Variants in RDH11 observed in about 807,000 individuals in gnomAD.
RDH11 encodes HCV core-binding protein HCBP12.
A neutral mutation model predicts 33.4 loss-of-function variants in RDH11; 19 were observed. The ratio of observed to expected loss-of-function variants is 0.57; its 90% confidence interval spans 0.40 to 0.83. The LOEUF is 0.83. Ranked by LOEUF, RDH11 falls within the 40% of genes least tolerant of loss-of-function variation. RDH11 has a pLI of 0.00. For synonymous variants in RDH11, 154 were observed against 155.3 expected (o/e 0.99, Z 0.06); for missense variants, 353 against 389.0 (o/e 0.91, Z 0.78).
intron 5 of RDH11, among the ~76,000 whole-genome samples, chr14:67,687,365 T>C (rs566853406): frequency 2.4e-4 from 36 of 152,204 alleles, no homozygotes; most frequent in Non-Finnish European, 5.1e-4. Flanking sequence ...ACTCTTGCTT[T>C]CTACAACCTA....
intron 5 of RDH11, among the ~76,000 whole-genome samples, chr14:67,688,093 G>C (rs1371593807): frequency 1.3e-5 from 2 of 151,932 alleles, no homozygotes; most frequent in African/African-American, 4.8e-5. Context: ...CATTCTATCA[G>C]TACCTCTAAT....
rs750321753 is a variant in RDH11 at position 67,692,597 on chromosome 14, TCAGCCAA to T, written c.194-11_194-5del. 4 of 1,556,038 alleles carry T rather than the reference TCAGCCAA, an allele frequency of 2.6e-6. No homozygotes were observed. The highest frequency in any genetic ancestry group is 3.5e-6 in the Non-Finnish European group (4 of 1,155,294). On this transcript the variant is annotated splice_polypyrimidine_tract_variant and splice_region_variant and intron_variant, in intron 2 of 6. Transcript: ENST00000381346. ...CAAGCTAAATATACTCGAGCTCCTG[TCAGCCAA>T]CATATGAAAGAGAAATGGTCAGCTC... is the stretch of plus-strand genomic sequence containing the variant.
intron 6 of RDH11, among the ~76,000 whole-genome samples, chr14:67,679,431 T>C (rs183344254): frequency 1.1e-3 from 157 of 145,402 alleles, no homozygotes; most frequent in Non-Finnish European, 2.0e-3. Flanking sequence ...GGAGGCGGAG[T>C]CTCACTCTGT....
intron 5 of RDH11, among the ~76,000 whole-genome samples, chr14:67,689,373 T>C (rs181496100): frequency 1.5e-3 from 229 of 152,274 alleles, no homozygotes; most frequent in Non-Finnish European, 2.5e-3. Flanking sequence ...AAATCCAGAG[T>C]AGACAGTGCT....
chr14:67,680,964 A>T (rs780129716), intron 6 of RDH11, among the ~76,000 whole-genome samples: 1 of 152,208 alleles, frequency 6.6e-6, no homozygotes, highest in South Asian at 2.1e-4. Context: ...ATAAACCCTT[A>T]TATTTATGGT....
At chr14:67,694,667 T>A (rs1268700206) in intron 1 of RDH11, among the ~76,000 whole-genome samples, 2 of 151,984 alleles carry the variant, frequency 1.3e-5, no homozygotes, top group East Asian at 3.9e-4. Context: ...AGAAACCATG[T>A]GTGCCTAGAG....
chr14:67,691,256 A>T lies in RDH11; in HGVS notation c.350-12T>A. On this transcript the variant is annotated splice_polypyrimidine_tract_variant and intron_variant, in intron 3 of 6. Coordinates refer to ENST00000381346, the MANE Select transcript of RDH11 (RefSeq NM_016026.4). ...GAGGTGCTTTTCCTCTGCAGGGACA[A>T]GACGATGGAGCGTGGAAGTGGCTAG... 6.3e-7 allele frequency: 1 copy of T among 1,598,392 alleles called. No homozygotes were observed. The highest frequency in any genetic ancestry group is 8.6e-7 in the Non-Finnish European group (1 of 1,166,454).
At chr14:67,684,601 T>C (rs1185110928) in intron 6 of RDH11, 1 of 153,014 alleles carries the variant, frequency 6.5e-6, no homozygotes, top group East Asian at 1.9e-4. Context: ...TTTTTTTTTT[T>C]TGAGGCGGAG....
chr14:67,678,477 T>C, intron 6 of RDH11, 54 bp from the exon 7 acceptor site: 1 of 1,197,430 alleles, frequency 8.4e-7, no homozygotes, highest in Non-Finnish European at 1.2e-6. Context: ...AAGTCTGCCA[T>C]CTGCCAGGGA....
At chr14:67,694,479 C>CAG (rs1208506640) in intron 1 of RDH11, among the ~76,000 whole-genome samples, 1 of 131,540 alleles carries the variant, frequency 7.6e-6, no homozygotes, top group Non-Finnish European at 1.6e-5. Context: ...TATATATATA[C>CAG]ACACACACAC....
chr14:67,678,087 TATG>T lies in RDH11; in HGVS notation c.*231_*233del. 2.2e-6 allele frequency: 1 copy of T among 445,476 alleles called. No individual in the cohort carries two copies. The highest frequency in any genetic ancestry group is 4.1e-6 in the Non-Finnish European group (1 of 242,666). 27.6% of individuals were successfully genotyped at this position (445,476 alleles called of 1,614,324 possible). On this transcript the variant is annotated 3_prime_UTR_variant, in exon 7 of 7. Coordinates refer to ENST00000381346, the MANE Select transcript of RDH11 (RefSeq NM_016026.4). Reference sequence around the variant, plus strand: ...TCATATGAGGGTCTTCTTATCCTATTATGATATCTCTAGTAACTCTGGCAGTAA... The same window carrying T: ...TCATATGAGGGTCTTCTTATCCTATTATATCTCTAGTAACTCTGGCAGTAA...
rs2037733535 is a variant in RDH11 at position 67,690,344 on chromosome 14, G to A, written c.532C>T (p.Leu178Phe). 1 of 1,614,170 alleles carries A rather than the reference G, an allele frequency of 6.2e-7. No individual in the cohort carries two copies. The highest frequency in any genetic ancestry group is 8.5e-7 in the Non-Finnish European group (1 of 1,180,022). ...APSRIVNVSS[L>F]AHHLGRIHFH... ...TGGATCCTTCCCAGGTGATGTGCGA[G>A]GGAAGACACATTTACTATCCTTGAT... Residue 178 changes from leucine (L) to phenylalanine (F), a missense_variant, in exon 5 of 7, where the codon CTC becomes TTC. Coordinates refer to ENST00000381346, the MANE Select transcript of RDH11 (RefSeq NM_016026.4).
chr14:67,690,198 TCCTCTAGGCCCA>T lies in RDH11; in HGVS notation c.664+2_664+13del, dbSNP rs752701840. On this transcript the variant is annotated splice_donor_variant and splice_donor_5th_base_variant and intron_variant, in intron 5 of 6. Transcript: ENST00000381346. LOFTEE classifies it high-confidence loss of function. ...TCTGACTCATGTCTCCACATTCATT[TCCTCTAGGCCCA>T]CCTTTTAGTCTCCGGGCCAGTTCCT... 2.5e-6 allele frequency: 4 copies of T among 1,610,194 alleles called. No individual in the cohort carries two copies. The highest frequency in any genetic ancestry group is 3.4e-6 in the Non-Finnish European group (4 of 1,177,936).
chr14:67,688,491 C>G (rs763266365), intron 5 of RDH11, among the ~76,000 whole-genome samples: 2 of 151,786 alleles, frequency 1.3e-5, no homozygotes, highest in African/African-American at 4.8e-5. Context: ...AAGGGGCACA[C>G]AAGCTGTTGA....
At chr14:67,680,539 C>T (rs1185117356) in intron 6 of RDH11, among the ~76,000 whole-genome samples, 2 of 152,158 alleles carry the variant, frequency 1.3e-5, no homozygotes, top group Non-Finnish European at 2.9e-5. Flanking sequence ...TCGCAGCTCA[C>T]TACAACCTCC....
rs761028061 is a variant in RDH11, at chr14:67,693,031, C to T, written c.96G>A (p.Val32=). 2 of 1,613,404 alleles carry T rather than the reference C, an allele frequency of 1.2e-6. No individual in the cohort carries two copies. The highest frequency in any genetic ancestry group is 1.7e-5 in the Admixed American group (1 of 59,966). The change falls in exon 2 of 7, where the codon GTG becomes GTA. Residue 32 remains valine, a synonymous_variant. Transcript: ENST00000381346. The stretch of plus-strand genomic sequence containing the variant: ...CAGGAAGCTGAACAGTTGATGTACA[C>T]ACCCCACTGGACAGCATTTTCCTGC... ...PQIRKMLSSG[V]CTSTVQLPGK... is the part of the protein sequence containing the mutation.
At chr14:67,685,259 G>A in intron 5 of RDH11, 55 bp from the exon 6 acceptor site, 1 of 1,442,892 alleles carries the variant, frequency 6.9e-7, no homozygotes, top group Non-Finnish European at 9.5e-7. Flanking sequence ...TTGCAGAATA[G>A]CCCAAAACAG....
At chr14:67,692,231 G>A (rs2037759120) in intron 3 of RDH11, 2 of 557,966 alleles carry the variant, frequency 3.6e-6, no homozygotes, top group Admixed American at 3.5e-5. Flanking sequence ...TCACTGCTAT[G>A]ACGTTTTGAA....
chr14:67,692,474 T>G lies in RDH11; in HGVS notation c.313A>C (p.Lys105Gln). 1.2e-6 allele frequency: 2 copies of G among 1,614,150 alleles called. No individual in the cohort carries two copies. Among genetic ancestry groups the G allele is most frequent in the Non-Finnish European group, 1.7e-6 (2 of 1,180,022 alleles). Residue 105 changes from lysine (K) to glutamine (Q), a missense_variant, in exon 3 of 7, where the codon AAG becomes CAG. Transcript: ENST00000381346. The part of the protein sequence containing the change: ...LVRKLDLSDT[K>Q]SIRAFAKGFL... ...CCCTTAGCAAAAGCTCGAATAGACT[T>G]AGTATCAGACAGGTCCAGTTTCCGC... is the stretch of plus-strand genomic sequence containing the variant.
Sources: allele counts gnomAD v4.1 joint callset (sites outside exome capture counted in the v4.1 genomes callset), GRCh38; gene constraint gnomAD v4.1.1; transcripts MANE v1.5; gene names NCBI Gene and HGNC (gene_info 2026-07-23, HGNC 2026-07-21).